Variants in PKP4 observed in about 807,000 individuals in gnomAD.
PKP4 encodes the protein plakophilin 4.
Under a neutral mutation model 145.1 loss-of-function variants are expected in PKP4, and 90 were observed. The ratio of observed to expected loss-of-function variants is 0.62; its 90% CI spans 0.52 to 0.74. PKP4 has a LOEUF of 0.74. PKP4 is among the 30% of genes least tolerant of loss of function. PKP4 has a pLI of 0.00. For missense variants in PKP4, 1,340 were observed against 1,482.7 expected, an observed-to-expected ratio of 0.90 and a Z score of 1.58; for synonymous variants, 563 against 577.2, an observed-to-expected ratio of 0.98 and a Z score of 0.35.
chr2:158,515,131 A>G (rs2041832069), intron 1 of PKP4, among the ~76,000 whole-genome samples: 1 of 152,230 alleles, frequency 6.6e-6, no homozygotes, highest in Non-Finnish European at 1.5e-5. Flanking sequence ...GTTTTAGGCT[A>G]ATTGTTGTAT....
chr2:158,672,323 T>C lies in PKP4; in HGVS notation c.2925-1354T>C, dbSNP rs569370777. Among the ~76,000 whole-genome samples, 4 of 152,354 alleles carry C rather than the reference T, an allele frequency of 2.6e-5. No individual in the cohort carries two copies. The South Asian group carries it at 8.3e-4, about 32-fold the overall frequency. On this transcript the variant is annotated intron_variant, in intron 17 of 21. Coordinates refer to ENST00000389759, the MANE Select transcript of PKP4 (RefSeq NM_003628.6). ...TGCAAAGGAGAGCAAAGAATCTTCC[T>C]TGCTTTTCTCATGGGTCAGGTTTCT...
Position 158,669,900 on chromosome 2 carries a change from A to G in PKP4, c.2909A>G (p.Lys970Arg). Residue 970 changes from lysine (K) to arginine (R), a missense_variant, in exon 17 of 22, where the codon AAA (lysine) becomes AGA (arginine). Lys to Arg is a conservative substitution (Grantham distance 26, BLOSUM62 2). Transcript: ENST00000389759. Reference protein sequence around the residue: ...GGIEKLVNITKGRGDRSSLKV... With the variant: ...GGIEKLVNITRGRGDRSSLKV... The stretch of plus-strand genomic sequence containing the variant: ...ATAGAGAAGCTGGTGAACATAACCA[A>G]AGGCAGGGGCGACAGGCAAGTCTGC... The G allele has an allele frequency of 6.2e-7, 1 of 1,611,482 alleles. No homozygotes were observed. Among genetic ancestry groups the G allele is most frequent in the Non-Finnish European group, 8.5e-7 (1 of 1,178,452 alleles).
chr2:158,523,713 C>T (rs778834566), intron 1 of PKP4, among the ~76,000 whole-genome samples: 18 of 129,208 alleles, frequency 1.4e-4, no homozygotes, highest in Non-Finnish European at 2.7e-4. Context: ...AAACCAAAGG[C>T]AAAGAAGTTA....
At chr2:158,538,742 A>G (rs1482871342) in intron 2 of PKP4, among the ~76,000 whole-genome samples, 3 of 152,016 alleles carry the variant, frequency 2.0e-5, no homozygotes, top group Non-Finnish European at 4.4e-5. Context: ...AGGTTTCTCC[A>G]TGTTGGCCAG....
At chr2:158,571,822 GT>G (rs1234264318) in intron 2 of PKP4, among the ~76,000 whole-genome samples, 9 of 152,120 alleles carry the variant, frequency 5.9e-5, no homozygotes, top group African/African-American at 2.2e-4. Context: ...CGTGAAAATG[GT>G]TCAAGGGACT....
chr2:158,591,113 T>C (rs1186538730), intron 3 of PKP4, among the ~76,000 whole-genome samples: 1 of 151,996 alleles, frequency 6.6e-6, no homozygotes, highest in Non-Finnish European at 1.5e-5. Context: ...ACAGAGCAAA[T>C]GAAATTATTT....
At chr2:158,597,752 T>C (rs2049882842) in intron 3 of PKP4, among the ~76,000 whole-genome samples, 1 of 152,236 alleles carries the variant, frequency 6.6e-6, no homozygotes, top group Non-Finnish European at 1.5e-5. Flanking sequence ...CAGCTATTAA[T>C]GAGTTATATT....
At chr2:158,598,921 A>G (rs2049999010) in intron 3 of PKP4, among the ~76,000 whole-genome samples, 2 of 152,188 alleles carry the variant, frequency 1.3e-5, no homozygotes, top group Admixed American at 1.3e-4. Flanking sequence ...TCCAGACTCT[A>G]TTCCTGCATG....
chr2:158,513,655 A>G (rs1248339108), intron 1 of PKP4, among the ~76,000 whole-genome samples: 1 of 151,630 alleles, frequency 6.6e-6, no homozygotes, highest in East Asian at 1.9e-4. Context: ...TACTCTCCTG[A>G]CTCCAGGTCA....
intron 4 of PKP4, among the ~76,000 whole-genome samples, chr2:158,610,012 A>G (rs571542562): frequency 1.3e-5 from 2 of 152,366 alleles, no homozygotes; most frequent in African/African-American, 2.4e-5. Context: ...CCTAGAAGTA[A>G]TAAAGTTGTT....
At chr2:158,479,074 C>T (rs1013079789) in intron 1 of PKP4, among the ~76,000 whole-genome samples, 4 of 152,110 alleles carry the variant, frequency 2.6e-5, no homozygotes, top group Admixed American at 6.5e-5. Context: ...CCAGCATTCT[C>T]GAGGAGGTTT....
chr2:158,640,523 C>A, intron 9 of PKP4, 104 bp from the exon 10 acceptor site: 1 of 1,250,190 alleles, frequency 8.0e-7, no homozygotes. Flanking sequence ...TGTAACTTCC[C>A]ATTTTTGTCT....
chr2:158,472,506 G>A (rs925989352), intron 1 of PKP4, among the ~76,000 whole-genome samples: 4 of 151,340 alleles, frequency 2.6e-5, no homozygotes, highest in African/African-American at 7.3e-5. Context: ...CCAGCTACTC[G>A]GGAGGCTGAG....
intron 8 of PKP4, among the ~76,000 whole-genome samples, chr2:158,632,893 T>C (rs1305709018): frequency 6.6e-6 from 1 of 152,242 alleles, no homozygotes; most frequent in African/African-American, 2.4e-5. Flanking sequence ...TTAATAAGAC[T>C]AAGAAATAGA....
intron 2 of PKP4, among the ~76,000 whole-genome samples, chr2:158,544,969 G>A (rs2044852373): frequency 6.6e-6 from 1 of 151,604 alleles, no homozygotes; most frequent in South Asian, 2.1e-4. Flanking sequence ...CTAGGATTTG[G>A]TTCCATCCTC....
intron 1 of PKP4, among the ~76,000 whole-genome samples, chr2:158,523,607 C>A (rs2042647270): frequency 8.1e-6 from 1 of 123,806 alleles, no homozygotes; most frequent in Non-Finnish European, 1.7e-5. Flanking sequence ...AGTTCCTCAC[C>A]AGCAACAGAA....
chr2:158,602,142 G>T (rs2050284595), intron 3 of PKP4, among the ~76,000 whole-genome samples: 1 of 152,070 alleles, frequency 6.6e-6, no homozygotes, highest in African/African-American at 2.4e-5. Context: ...TAGTCATATT[G>T]TCTATGTGTC....
chr2:158,592,964 C>G (rs907981638), intron 3 of PKP4, among the ~76,000 whole-genome samples: 2 of 152,140 alleles, frequency 1.3e-5, no homozygotes, highest in Non-Finnish European at 2.9e-5. Context: ...TCACATAGAA[C>G]AAATAGAAAA....
At chr2:158,573,864 A>G (rs2047614674) in intron 2 of PKP4, among the ~76,000 whole-genome samples, 3 of 152,222 alleles carry the variant, frequency 2.0e-5, no homozygotes, top group Admixed American at 1.3e-4. Context: ...TATCTTGATC[A>G]GTGCCTGAAT....
Sources: allele counts gnomAD v4.1 joint callset (sites outside exome capture counted in the v4.1 genomes callset), GRCh38; gene constraint gnomAD v4.1.1; transcripts MANE v1.5; gene names NCBI Gene and HGNC (gene_info 2026-07-23, HGNC 2026-07-21).